Variants in RNF24 observed in about 807,000 individuals in gnomAD.
RNF24 encodes ring finger protein 24.
Under a neutral mutation model 20.0 loss-of-function variants are expected in RNF24, and 14 were observed. The ratio of observed to expected loss-of-function variants is 0.70; its 90% CI spans 0.46 to 1.10. RNF24 has a LOEUF of 1.10. Ranked by LOEUF, RNF24 falls within the 50% of genes least tolerant of loss-of-function variation. RNF24 has a pLI of 0.00. For missense variants in RNF24, 124 were observed against 177.6 expected, an observed-to-expected ratio of 0.70 and a Z score of 1.71; for synonymous variants, 45 against 61.1, an observed-to-expected ratio of 0.74 and a Z score of 1.23.
At chr20:3,935,161 C>A (rs974086071) in intron 4 of RNF24, 88 bp from the exon 5 acceptor site, 14 of 987,322 alleles carry the variant, frequency 1.4e-5, no homozygotes, top group Non-Finnish European at 2.2e-5. Flanking sequence ...AAGGCTCAAC[C>A]GTTTGAAGGG....
intron 2 of RNF24, among the ~76,000 whole-genome samples, chr20:3,953,318 AT>A (rs1300210547): frequency 2.0e-5 from 3 of 150,600 alleles, no homozygotes; most frequent in Non-Finnish European, 4.4e-5. Context: ...CGCCCGGCTA[AT>A]TTTTTTTGTA....
chr20:3,931,459 G>C lies in RNF24; in HGVS notation c.*2604C>G, dbSNP rs1174625850. 1 of 152,214 alleles carries C rather than the reference G, an allele frequency of 6.6e-6. No individual in the cohort carries two copies. Among genetic ancestry groups the C allele is most frequent in the Non-Finnish European group, 1.5e-5 (1 of 68,040 alleles). 9.4% of individuals were successfully genotyped at this position (152,214 alleles called of 1,614,324 possible). ...CCCTGCGATTTTAATGAGAATTAAAGGAGGATGTAAATTAAAAGGCCTGTT... is the reference window on the plus strand; with the variant it reads ...CCCTGCGATTTTAATGAGAATTAAACGAGGATGTAAATTAAAAGGCCTGTT... On this transcript the variant is annotated 3_prime_UTR_variant, in exon 6 of 6. Coordinates refer to ENST00000358395, the MANE Select transcript of RNF24 (RefSeq NM_001134337.3).
At chr20:3,989,728 T>C (rs1484395797) in intron 1 of RNF24, among the ~76,000 whole-genome samples, 2 of 152,138 alleles carry the variant, frequency 1.3e-5, no homozygotes, top group African/African-American at 4.8e-5. Context: ...AGGCTGAACA[T>C]TTTACTGATG....
At chr20:3,978,679 C>T (rs1336144936) in intron 1 of RNF24, among the ~76,000 whole-genome samples, 4 of 151,726 alleles carry the variant, frequency 2.6e-5, no homozygotes, top group Admixed American at 1.3e-4. Context: ...AGCAGGAGTG[C>T]TAATTATTTT....
At chr20:3,957,041 C>T (rs2091150297) in intron 2 of RNF24, among the ~76,000 whole-genome samples, 1 of 152,022 alleles carries the variant, frequency 6.6e-6, no homozygotes, top group Non-Finnish European at 1.5e-5. Context: ...GCTTGTAAAC[C>T]CAGTACTTTG....
chr20:3,944,587 A>T (rs1424389745), intron 4 of RNF24, among the ~76,000 whole-genome samples: 1 of 152,234 alleles, frequency 6.6e-6, no homozygotes, highest in African/African-American at 2.4e-5. Flanking sequence ...CAGAGGCAAC[A>T]CAAGAAATAG....
intron 3 of RNF24, among the ~76,000 whole-genome samples, chr20:3,945,700 A>G (rs2091008076): frequency 6.8e-6 from 1 of 146,042 alleles, no homozygotes; most frequent in South Asian, 2.2e-4. Flanking sequence ...GGGCAACAAG[A>G]GCGAAACTCC....
chr20:3,969,266 A>C (rs933705226), intron 1 of RNF24, among the ~76,000 whole-genome samples: 6 of 152,222 alleles, frequency 3.9e-5, no homozygotes, highest in African/African-American at 1.2e-4. Flanking sequence ...CTCCATTAAA[A>C]GACAGTCAGG....
At chr20:3,936,129 C>T (rs1341651132) in intron 4 of RNF24, among the ~76,000 whole-genome samples, 1 of 152,190 alleles carries the variant, frequency 6.6e-6, no homozygotes, top group Non-Finnish European at 1.5e-5. Context: ...GTGAACCGTG[C>T]CATGTTGGTT....
chr20:3,955,307 A>G (rs1198004041), intron 2 of RNF24, among the ~76,000 whole-genome samples: 1 of 152,168 alleles, frequency 6.6e-6, no homozygotes, highest in Non-Finnish European at 1.5e-5. Context: ...AGGTTGCCTT[A>G]TCACTTTCTT....
chr20:3,961,768 A>C (rs1164371282), intron 2 of RNF24, among the ~76,000 whole-genome samples: 1 of 151,982 alleles, frequency 6.6e-6, no homozygotes, highest in Non-Finnish European at 1.5e-5. Context: ...TATTAAATTT[A>C]CATATTTCTA....
intron 4 of RNF24, among the ~76,000 whole-genome samples, chr20:3,937,872 G>A (rs2090910303): frequency 6.6e-6 from 1 of 152,074 alleles, no homozygotes; most frequent in African/African-American, 2.4e-5. Flanking sequence ...ATGGCCACCT[G>A]GGTTGTTTCT....
intron 1 of RNF24, among the ~76,000 whole-genome samples, chr20:3,983,063 C>T (rs768085670): frequency 3.3e-5 from 5 of 152,156 alleles, no homozygotes; most frequent in Non-Finnish European, 7.3e-5. Flanking sequence ...TGCCCTCCAC[C>T]ATGTTATGAT....
At chr20:3,967,776 A>C (rs932067601) in intron 1 of RNF24, among the ~76,000 whole-genome samples, 1 of 151,572 alleles carries the variant, frequency 6.6e-6, no homozygotes, top group Non-Finnish European at 1.5e-5. Context: ...CGGGCAGATC[A>C]CGAGGTCAGG....
chr20:3,944,078 C>T (rs1474095538), intron 4 of RNF24, among the ~76,000 whole-genome samples: 2 of 151,908 alleles, frequency 1.3e-5, no homozygotes, highest in Non-Finnish European at 2.9e-5. Context: ...GGTGTGGTGG[C>T]GCATGCCTAT....
At chr20:3,987,245 G>C (rs1391165826) in intron 1 of RNF24, among the ~76,000 whole-genome samples, 1 of 152,318 alleles carries the variant, frequency 6.6e-6, no homozygotes, top group Middle Eastern at 3.4e-3. Context: ...TATAAAGGAA[G>C]AAAATACTCT....
intron 2 of RNF24, among the ~76,000 whole-genome samples, chr20:3,956,836 A>G (rs1398148876): frequency 6.6e-6 from 1 of 152,138 alleles, no homozygotes; most frequent in African/African-American, 2.4e-5. Flanking sequence ...AAAAAATACC[A>G]TTTTCACATA....
At chr20:3,943,884 A>G (rs1204430376) in intron 4 of RNF24, among the ~76,000 whole-genome samples, 1 of 152,168 alleles carries the variant, frequency 6.6e-6, no homozygotes, top group East Asian at 1.9e-4. Context: ...AATTTTGGCC[A>G]TGTGTCAAAA....
intron 1 of RNF24, among the ~76,000 whole-genome samples, chr20:4,004,376 T>C (rs886582793): frequency 6.6e-6 from 1 of 152,122 alleles, no homozygotes; most frequent in Admixed American, 6.6e-5. Flanking sequence ...GTAGTCAAAG[T>C]AAAAATTATT....
Sources: gnomAD v4.1 joint callset for allele counts (sites outside exome capture counted in the v4.1 genomes callset) on GRCh38, gnomAD v4.1.1 for gene constraint, MANE v1.5 for transcripts, NCBI Gene and HGNC (gene_info 2026-07-23, HGNC 2026-07-21) for gene names.